The following NLGN1 variants were observed in gnomAD, a reference collection of about 807,000 sequenced individuals.
NLGN1 encodes the protein neuroligin 1.
A neutral mutation model predicts 65.5 loss-of-function variants in NLGN1; 12 were observed. That is an observed-to-expected ratio of 0.18 (90% CI 0.12 to 0.30). NLGN1 has a LOEUF of 0.30. Ranked by LOEUF, NLGN1 falls within the 10% of genes least tolerant of loss-of-function variation. The probability of loss-of-function intolerance (pLI) is 1.00; values close to 1 mark genes in which losing one functional copy is unlikely to be tolerated. For missense variants in NLGN1, 750 were observed against 1,007.1 expected, an observed-to-expected ratio of 0.74 and a Z score of 3.46; for synonymous variants, 350 against 359.5, an observed-to-expected ratio of 0.97 and a Z score of 0.30.
chr3:174,174,716 G>A (rs112705305), intron 4 of NLGN1, among the ~76,000 whole-genome samples: 2,286 of 151,422 alleles, frequency 0.015, 57 homozygotes, highest in African/African-American at 0.053. Flanking sequence ...TAGATTCTGG[G>A]TATTAGTCCT....
intron 4 of NLGN1, among the ~76,000 whole-genome samples, chr3:173,808,370 A>G (rs1038091878): frequency 6.6e-6 from 1 of 152,158 alleles, no homozygotes. Flanking sequence ...CATTGATTTT[A>G]TAAAGTAACA....
At chr3:173,795,393 T>G (rs1372380647) in intron 3 of NLGN1, among the ~76,000 whole-genome samples, 1 of 152,172 alleles carries the variant, frequency 6.6e-6, no homozygotes, top group African/African-American at 2.4e-5. Context: ...CAGCTATGCT[T>G]TCTTTATATC....
chr3:173,794,974 T>TTG (rs986209535), intron 3 of NLGN1, among the ~76,000 whole-genome samples: 21 of 152,264 alleles, frequency 1.4e-4, no homozygotes, highest in South Asian at 8.3e-4. Context: ...TCTCCTTTTT[T>TTG]TGTGTGTGTG....
intron 3 of NLGN1, among the ~76,000 whole-genome samples, chr3:173,625,106 AG>A (rs1389295270): frequency 6.6e-6 from 1 of 152,172 alleles, no homozygotes; most frequent in African/African-American, 2.4e-5. Context: ...ACATTTAAAC[AG>A]TACTTAGCTG....
At chr3:173,765,086 GTGTGTGTGTGTGTA>G (rs1230771802) in intron 3 of NLGN1, among the ~76,000 whole-genome samples, 155 of 150,032 alleles carry the variant, frequency 1.0e-3, no homozygotes, top group African/African-American at 3.6e-3. Context: ...GTGTGTGTGT[GTGTGTGTGTGTGTA>G]TGTATGCACA....
intron 4 of NLGN1, among the ~76,000 whole-genome samples, chr3:174,197,223 TA>T (rs1388769774): frequency 6.6e-6 from 1 of 152,068 alleles, no homozygotes; most frequent in East Asian, 1.9e-4. Context: ...TGTTGTCTTC[TA>T]AGGAGCAATA....
chr3:174,144,065 A>T (rs1412922893), intron 4 of NLGN1, among the ~76,000 whole-genome samples: 1 of 151,998 alleles, frequency 6.6e-6, no homozygotes, highest in East Asian at 1.9e-4. Flanking sequence ...ATCCTCCCCT[A>T]GCCTCCCACC....
chr3:173,703,906 T>C (rs1476842252), intron 3 of NLGN1, among the ~76,000 whole-genome samples: 1 of 152,198 alleles, frequency 6.6e-6, no homozygotes, highest in African/African-American at 2.4e-5. Context: ...TTATTTTAAA[T>C]GGAATGGTCT....
At chr3:173,731,841 G>A (rs1772909408) in intron 3 of NLGN1, among the ~76,000 whole-genome samples, 1 of 151,916 alleles carries the variant, frequency 6.6e-6, no homozygotes, top group East Asian at 1.9e-4. Context: ...ACTGAGTTCA[G>A]GAAGTGGTCA....
chr3:174,111,849 A>C (rs866593824), intron 4 of NLGN1, among the ~76,000 whole-genome samples: 1 of 152,014 alleles, frequency 6.6e-6, no homozygotes, highest in Admixed American at 6.6e-5. Flanking sequence ...ACGTGCAAGG[A>C]AAGTATGCCA....
At chr3:173,767,040 C>T (rs1207925252) in intron 3 of NLGN1, among the ~76,000 whole-genome samples, 1 of 152,076 alleles carries the variant, frequency 6.6e-6, no homozygotes, top group African/African-American at 2.4e-5. Context: ...ATAGTAATTA[C>T]AATGTATCCT....
intron 3 of NLGN1, among the ~76,000 whole-genome samples, chr3:173,732,657 A>G (rs1407153034): frequency 6.6e-6 from 1 of 152,098 alleles, no homozygotes; most frequent in Non-Finnish European, 1.5e-5. Context: ...ACGGTTTTTT[A>G]AACAAATGCA....
chr3:174,228,842 G>A (rs185815055), intron 4 of NLGN1, among the ~76,000 whole-genome samples: 355 of 152,068 alleles, frequency 2.3e-3, no homozygotes, highest in Non-Finnish European at 2.5e-3. Flanking sequence ...TACAAATATT[G>A]ATCATGTAAG....
intron 3 of NLGN1, among the ~76,000 whole-genome samples, chr3:173,625,083 G>C (rs538187707): frequency 1.3e-5 from 2 of 152,128 alleles, no homozygotes; most frequent in African/African-American, 2.4e-5. Context: ...ATTGTTTCTG[G>C]ATTTACTATA....
intron 2 of NLGN1, among the ~76,000 whole-genome samples, chr3:173,476,785 A>C (rs114294802): frequency 6.6e-6 from 1 of 152,220 alleles, no homozygotes; most frequent in Admixed American, 6.5e-5. Context: ...GATAATAGAT[A>C]ATAGAACATT....
intron 2 of NLGN1, among the ~76,000 whole-genome samples, chr3:173,555,908 A>C (rs965999293): frequency 2.0e-5 from 3 of 152,228 alleles, no homozygotes; most frequent in Admixed American, 2.0e-4. Flanking sequence ...TTGAAAATTC[A>C]ACAATAAAGC....
intron 4 of NLGN1, among the ~76,000 whole-genome samples, chr3:173,927,977 C>T (rs995067954): frequency 6.6e-6 from 1 of 152,156 alleles, no homozygotes; most frequent in Non-Finnish European, 1.5e-5. Context: ...TTGTAGAACA[C>T]CCCTCTGAGT....
chr3:173,764,893 T>G (rs560637026), intron 3 of NLGN1, among the ~76,000 whole-genome samples: 1 of 152,282 alleles, frequency 6.6e-6, no homozygotes, highest in South Asian at 2.1e-4. Context: ...TTTGTATTAT[T>G]TTTATAATGC....
chr3:173,747,059 TACACACACACACAC>T (rs3033827), intron 3 of NLGN1, among the ~76,000 whole-genome samples: 12 of 130,404 alleles, frequency 9.2e-5, no homozygotes, highest in Admixed American at 2.3e-4. Context: ...AAATTATATA[TACACACACACACAC>T]ACACACACAC....
Sources: allele counts gnomAD v4.1 joint callset (sites outside exome capture counted in the v4.1 genomes callset), GRCh38; gene constraint gnomAD v4.1.1; transcripts MANE v1.5; gene names NCBI Gene and HGNC (gene_info 2026-07-23, HGNC 2026-07-21).